The following CNTN2 variants were observed in gnomAD, a reference collection of about 807,000 sequenced individuals.
CNTN2 encodes the protein contactin-2.
In CNTN2, 53 loss-of-function variants were observed where a neutral mutation model predicts 117.5. The ratio of observed to expected loss-of-function variants is 0.45; its 90% CI spans 0.36 to 0.57. CNTN2 has a LOEUF of 0.57. Ranked by LOEUF, CNTN2 falls within the 20% of genes least tolerant of loss-of-function variation. The pLI is 0.00. For synonymous variants in CNTN2, 530 were observed against 561.7 expected (o/e 0.94, Z 0.80); for missense variants, 1,106 against 1,404.3 (o/e 0.79, Z 3.39).
At chr1:205,049,212 A>G (rs1288610460) in intron 1 of CNTN2, among the ~76,000 whole-genome samples, 1 of 151,016 alleles carries the variant, frequency 6.6e-6, no homozygotes. Context: ...GGTGGAGGCG[A>G]AGGATCTATG....
intron 16 of CNTN2, 79 bp downstream of exon 16, chr1:205,067,329 C>T (rs765184372): frequency 3.5e-5 from 53 of 1,512,800 alleles, no homozygotes; most frequent in African/African-American, 8.3e-5. Context: ...CCAAGCCAGC[C>T]GCAATTATGC....
At chr1:205,053,936 C>T in intron 2 of CNTN2, among the ~76,000 whole-genome samples, 1 of 152,120 alleles carries the variant, frequency 6.6e-6, no homozygotes, top group South Asian at 2.1e-4. Context: ...GGAGGAGAGG[C>T]AGAGGAAGGC....
In CNTN2 at chr1:205,059,743, GGT is replaced by G; in HGVS notation, c.797+63_797+64del. On this transcript the variant is annotated intron_variant, in intron 7 of 22. Coordinates refer to ENST00000331830, the MANE Select transcript of CNTN2 (RefSeq NM_005076.5). This position sits in a 1 kb window ranked among gnomAD's most constrained non-coding sequence, Gnocchi z 5.6. Reference sequence around the variant, plus strand: ...CTCTCGGGGGCACAGGTGACCCCAGGGTGAGGGCAGGCAGAGTCAGGGCTCTT... The same window carrying G: ...CTCTCGGGGGCACAGGTGACCCCAGGGAGGGCAGGCAGAGTCAGGGCTCTT... The G allele has an allele frequency of 2.1e-6, 3 of 1,404,732 alleles. No individual in the cohort carries two copies. The highest frequency in any genetic ancestry group is 3.0e-6 in the Non-Finnish European group (3 of 995,312). 87.0% of individuals were successfully genotyped at this position (1,404,732 alleles called of 1,614,324 possible). A position where few individuals can be genotyped will look rare whatever the true frequency, so the allele number is the denominator to read the frequency against.
chr1:205,071,601 C>T lies in CNTN2; in HGVS notation c.2545-346C>T, dbSNP rs115661808. Among the ~76,000 whole-genome samples, 164 of 152,302 alleles carry T rather than the reference C, an allele frequency of 1.1e-3. 1 individual carries two copies. The highest frequency in any genetic ancestry group is 3.8e-3 in the African/African-American group (156 of 41,578). ...AGGGCCAGGGGACTACTTTGCAATA[C>T]AAATAAGCATTTTCTGTCCCTTAGC... On this transcript the variant is annotated intron_variant, in intron 19 of 22. Coordinates refer to ENST00000331830, the MANE Select transcript of CNTN2 (RefSeq NM_005076.5).
chr1:205,044,865 C>G (rs2096438662), intron 1 of CNTN2, among the ~76,000 whole-genome samples: 1 of 152,164 alleles, frequency 6.6e-6, no homozygotes, highest in Non-Finnish European at 1.5e-5. Flanking sequence ...GAGCTCTCCC[C>G]TTAAAGACAG....
intron 19 of CNTN2, among the ~76,000 whole-genome samples, chr1:205,071,300 A>G (rs957533386): frequency 6.6e-6 from 1 of 152,164 alleles, no homozygotes; most frequent in Non-Finnish European, 1.5e-5. Flanking sequence ...ACAAAGGGGT[A>G]CCTGTGGAGC....
At chr1:205,068,204 C>G (rs2151197354) in intron 16 of CNTN2, 1 of 152,304 alleles carries the variant, frequency 6.6e-6, no homozygotes, top group Middle Eastern at 3.4e-3. Context: ...CTGAGAGGCT[C>G]CTGCCCATCT....
rs1336434879 is a variant in CNTN2 at position 205,048,639 on chromosome 1, C to G, written c.-86-4461C>G. The stretch of plus-strand genomic sequence containing the variant: ...AGCCTTGCTCCTGACAAAAAGGCCT[C>G]CTCCATCCTGGGCATTCTAGAACGC... On this transcript the variant is annotated intron_variant, in intron 1 of 22. Transcript: ENST00000331830. This position sits in a 1 kb window ranked among gnomAD's most constrained non-coding sequence, Gnocchi z 4.1. Among the ~76,000 whole-genome samples the G allele has an allele frequency of 6.6e-6, 1 of 152,190 alleles. No homozygotes were observed. Among genetic ancestry groups the G allele is most frequent in the African/African-American group, 2.4e-5 (1 of 41,446 alleles).
chr1:205,070,481 G>T lies in CNTN2; in HGVS notation c.2487G>T (p.Met829Ile). 3 of 1,614,044 alleles carry T rather than the reference G, an allele frequency of 1.9e-6. No homozygotes were observed. The highest frequency in any genetic ancestry group is 2.5e-6 in the Non-Finnish European group (3 of 1,179,988). Residue 829 changes from methionine to isoleucine, a missense_variant, in exon 19 of 23, where the codon ATG becomes ATT. Transcript: ENST00000331830. ...VWAKGVSSSEMNVTWEPVQQD... is the reference protein window; with the variant it reads ...VWAKGVSSSEINVTWEPVQQD... ...CCAAAGGGGTCTCATCCTCAGAGATGAACGTGACCTGGGAACCCGTGCAGC... is the reference window on the plus strand; with the variant it reads ...CCAAAGGGGTCTCATCCTCAGAGATTAACGTGACCTGGGAACCCGTGCAGC...
chr1:205,059,639 C>T lies in CNTN2; in HGVS notation c.754C>T (p.Leu252=), dbSNP rs1653863618. ...KARFPAETYA[L]VGQQVTLECF... Reference sequence around the variant, plus strand: ...CCGGTTCCCAGCAGAGACCTATGCACTGGTGGGGCAGCAGGTCACCCTGGA... The same window carrying T: ...CCGGTTCCCAGCAGAGACCTATGCATTGGTGGGGCAGCAGGTCACCCTGGA... The change falls in exon 7 of 23, where the codon CTG becomes TTG. Residue 252 remains leucine (L), a synonymous_variant. Transcript: ENST00000331830. This position sits in a 1 kb window ranked among gnomAD's most constrained non-coding sequence, Gnocchi z 5.6. The T allele has an allele frequency of 6.2e-7, 1 of 1,614,150 alleles. No individual in the cohort carries two copies. Among genetic ancestry groups the T allele is most frequent in the Non-Finnish European group, 8.5e-7 (1 of 1,180,022 alleles).
At chr1:205,062,297 G>A in intron 9 of CNTN2, 143 bp from the exon 10 acceptor site, 1 of 1,205,830 alleles carries the variant, frequency 8.3e-7, no homozygotes, top group Non-Finnish European at 1.1e-6. Flanking sequence ...GTTCCAGGCA[G>A]CCCTGAGGTA....
chr1:205,051,405 G>C (rs2096452662), intron 1 of CNTN2, among the ~76,000 whole-genome samples: 1 of 152,218 alleles, frequency 6.6e-6, no homozygotes, highest in African/African-American at 2.4e-5. Context: ...TGCCTAGGAA[G>C]GGCATTACAG....
chr1:205,071,022 G>A (rs1654568804), intron 19 of CNTN2, among the ~76,000 whole-genome samples: 1 of 151,788 alleles, frequency 6.6e-6, no homozygotes, highest in Admixed American at 6.6e-5. Context: ...AGACCCCATG[G>A]CTTATGCCCA....
chr1:205,061,968 C>T lies in CNTN2; in HGVS notation c.1077C>T (p.Arg359=). 1.9e-6 allele frequency: 3 copies of T among 1,613,240 alleles called. 1 individual carries two copies. Among genetic ancestry groups the T allele is most frequent in the South Asian group, 2.2e-5 (2 of 90,976 alleles). Residue 359 remains arginine, a synonymous_variant, in exon 9 of 23, where the codon CGC becomes CGT. Coordinates refer to ENST00000331830, the MANE Select transcript of CNTN2 (RefSeq NM_005076.5). This position sits in a 1 kb window ranked among gnomAD's most constrained non-coding sequence, Gnocchi z 4.8. ...AAAGKPRPTV[R]WLRNGEPLAS... ...CCGGCAAGCCCCGGCCTACAGTGCG[C>T]TGGCTGCGGAACGGGGAGCCTCTGG...
At position 205,058,455 on chromosome 1, in the gene CNTN2, C is replaced by T. The variant is rs1193687187; in HGVS notation, c.391+99C>T. The T allele has an allele frequency of 2.6e-6, 4 of 1,543,382 alleles. No homozygotes were observed. Among genetic ancestry groups the T allele is most frequent in the Non-Finnish European group, 3.5e-6 (4 of 1,130,128 alleles). ...AAGGGACACCCTCAAGCCGGGCCTT[C>T]CTGACCTCACATGACATGCCTTAGT... On this transcript the variant is annotated intron_variant, in intron 4 of 22. Transcript: ENST00000331830. This position sits in a 1 kb window ranked among gnomAD's most constrained non-coding sequence, Gnocchi z 4.3.
At position 205,059,318 on chromosome 1, in the gene CNTN2, G is replaced by A; in HGVS notation, c.697+25G>A. 6.2e-7 allele frequency: 1 copy of A among 1,604,956 alleles called. No individual in the cohort carries two copies. Among genetic ancestry groups the A allele is most frequent in the Non-Finnish European group, 8.5e-7 (1 of 1,174,272 alleles). ...GGTCAGGCTTGGCCAGGCGTGGCTG[G>A]AGGGAGGGAACTGGAAGGGTCAGCG... is the stretch of plus-strand genomic sequence containing the variant. On this transcript the variant is annotated intron_variant, in intron 6 of 22. Transcript: ENST00000331830. The surrounding 1 kb of genome is among the most constrained non-coding windows in gnomAD (Gnocchi z 5.6).
Position 205,073,976 on chromosome 1 carries a change from G to A in CNTN2, c.*211G>A, listed in dbSNP as rs184722947. 506 of 601,136 alleles carry A rather than the reference G, an allele frequency of 8.4e-4. 3 individuals carry two copies. In the East Asian group the frequency reaches 0.013, roughly 16 times the overall value. 37.2% of individuals were successfully genotyped at this position (601,136 alleles called of 1,614,324 possible). On this transcript the variant is annotated 3_prime_UTR_variant, in exon 23 of 23. Transcript: ENST00000331830. This position sits in a 1 kb window ranked among gnomAD's most constrained non-coding sequence, Gnocchi z 6.3. The stretch of plus-strand genomic sequence containing the variant: ...GCAAGGATTTTCTTTAAATTGAGAG[G>A]CACCAGGCAGTAACTTCCATGATGA...
At chr1:205,067,370 C>A in intron 16 of CNTN2, 120 bp downstream of exon 16, 1 of 1,274,462 alleles carries the variant, frequency 7.8e-7, no homozygotes, top group Non-Finnish European at 1.1e-6. Flanking sequence ...AGGGTTCAGA[C>A]TCTCACAAAA....
In CNTN2 at chr1:205,058,605, G is replaced by A. The variant is rs1367064848; in HGVS notation, c.429G>A (p.Val143=). ...TCTCCAAGGAGGAGCGAGACCCAGT[G>A]AAAGCTCATGAAGGCTGGGGGGTGA... is the stretch of plus-strand genomic sequence containing the variant. The part of the protein sequence containing the change: ...QEFSKEERDP[V]KAHEGWGVML... Residue 143 remains valine (V), a synonymous_variant, in exon 5 of 23, where the codon GTG becomes GTA. Coordinates refer to ENST00000331830, the MANE Select transcript of CNTN2 (RefSeq NM_005076.5). The surrounding 1 kb of genome is among the most constrained non-coding windows in gnomAD (Gnocchi z 4.3). The A allele has an allele frequency of 6.2e-7, 1 of 1,614,016 alleles. No individual in the cohort carries two copies. Among genetic ancestry groups the A allele is most frequent in the South Asian group, 1.1e-5 (1 of 91,066 alleles).
Sources: gnomAD v4.1 joint callset for allele counts (sites outside exome capture counted in the v4.1 genomes callset) on GRCh38, gnomAD v4.1.1 for gene constraint, Gnocchi (gnomAD v3.1) non-coding constraint, MANE v1.5 for transcripts, NCBI Gene and HGNC (gene_info 2026-07-23, HGNC 2026-07-21) for gene names.